Variants in PSD3 observed in about 807,000 individuals in gnomAD.
PSD3 encodes the protein PH and SEC7 domain-containing protein 3.
PSD3 carries 49 observed loss-of-function variants against 105.5 expected under a neutral mutation model. The ratio of observed to expected loss-of-function variants is 0.46; its 90% CI spans 0.37 to 0.59. The LOEUF (loss-of-function observed/expected upper bound fraction) is 0.59. Ranked by LOEUF, PSD3 falls within the 20% of genes least tolerant of loss-of-function variation. The pLI, the probability that PSD3 is intolerant of heterozygous loss-of-function variation, is 0.00. For missense variants in PSD3, 1,561 were observed against 1,263.8 expected (o/e 1.24, Z -3.57); for synonymous variants, 557 against 457.8 (o/e 1.22, Z -2.77).
chr8:18,568,642 T>C lies in PSD3; in HGVS notation c.2784+3886A>G, dbSNP rs541646873. 3.3e-5 allele frequency among the ~76,000 whole-genome samples: 5 copies of C among 152,270 alleles called. No individual in the cohort carries two copies. The South Asian group carries it at 1.0e-3, about 32-fold the overall frequency. ...CTTCTGCAGCTACCTTGGTTATCTC[T>C]CCTCTGGATTACTGAAAATTCCTTT... On this transcript the variant is annotated intron_variant, in intron 14 of 15. Transcript: ENST00000327040.
chr8:18,752,690 T>C (rs1390615687), intron 9 of PSD3, among the ~76,000 whole-genome samples: 1 of 109,590 alleles, frequency 9.1e-6, no homozygotes, highest in East Asian at 2.4e-4. Flanking sequence ...TATAATCATA[T>C]ATGATATAAT....
intron 11 of PSD3, among the ~76,000 whole-genome samples, chr8:18,630,991 C>G (rs1274189815): frequency 6.6e-6 from 1 of 151,884 alleles, no homozygotes; most frequent in Non-Finnish European, 1.5e-5. Flanking sequence ...GTCAGAGGCC[C>G]TGGAATCAAT....
chr8:18,879,041 C>A (rs1264684446), intron 2 of PSD3, among the ~76,000 whole-genome samples: 9 of 145,554 alleles, frequency 6.2e-5, no homozygotes, highest in African/African-American at 2.3e-4. Flanking sequence ...CAAACAAACA[C>A]ACACACACAA....
At chr8:18,858,537 T>A (rs905455018) in intron 4 of PSD3, among the ~76,000 whole-genome samples, 15 of 152,196 alleles carry the variant, frequency 9.9e-5, no homozygotes, top group Non-Finnish European at 2.2e-4. Flanking sequence ...TGCTTGATCA[T>A]CTTTTACCCA....
At chr8:18,627,873 C>A (rs1806607366) in intron 11 of PSD3, among the ~76,000 whole-genome samples, 1 of 150,654 alleles carries the variant, frequency 6.6e-6, no homozygotes, top group African/African-American at 2.4e-5. Context: ...CCAGAAACGA[C>A]AGAAAGGAAG....
chr8:18,616,628 C>CTTTTCTTTT (rs778581836), intron 11 of PSD3, among the ~76,000 whole-genome samples: 2 of 126,774 alleles, frequency 1.6e-5, no homozygotes, highest in Non-Finnish European at 3.3e-5. Context: ...CTTTTCTTTT[C>CTTTTCTTTT]TTTTTTTTTT....
At chr8:18,734,674 A>G (rs1282109392) in intron 9 of PSD3, among the ~76,000 whole-genome samples, 1 of 152,218 alleles carries the variant, frequency 6.6e-6, no homozygotes, top group Admixed American at 6.5e-5. Flanking sequence ...ATGAATGTAC[A>G]GTGTTGGCTA....
At chr8:18,717,965 G>C (rs1161217971) in intron 9 of PSD3, among the ~76,000 whole-genome samples, 6 of 152,188 alleles carry the variant, frequency 3.9e-5, no homozygotes, top group Non-Finnish European at 8.8e-5. Context: ...GTGATGGCCA[G>C]CTTCCAAGAC....
chr8:18,560,901 C>G (rs1801355454), intron 14 of PSD3, among the ~76,000 whole-genome samples: 1 of 152,130 alleles, frequency 6.6e-6, no homozygotes, highest in Admixed American at 6.5e-5. Context: ...CCTCATGAAG[C>G]GGTAAGTGTC....
At chr8:18,547,830 T>C (rs541767319) in intron 15 of PSD3, among the ~76,000 whole-genome samples, 1 of 152,338 alleles carries the variant, frequency 6.6e-6, no homozygotes, top group South Asian at 2.1e-4. Flanking sequence ...TGGATATTCA[T>C]ATCTTTCTCT....
chr8:18,688,118 G>A (rs904618551), intron 9 of PSD3, among the ~76,000 whole-genome samples: 2 of 151,884 alleles, frequency 1.3e-5, no homozygotes, highest in African/African-American at 2.4e-5. Context: ...CTGTTCTGTC[G>A]CTCAGGCTGG....
chr8:19,033,294 T>C (rs2129476337), intron 1 of PSD3, among the ~76,000 whole-genome samples: 1 of 152,350 alleles, frequency 6.6e-6, no homozygotes, highest in East Asian at 1.9e-4. Flanking sequence ...AAAGTGCACA[T>C]ACCGGACATA....
In PSD3 at chr8:18,801,664, T is replaced by A. The variant is rs536112376; in HGVS notation, c.1911-282A>T. Among the ~76,000 whole-genome samples, 8 of 152,196 alleles carry A rather than the reference T, an allele frequency of 5.3e-5. No individual in the cohort carries two copies. The South Asian group carries it at 1.7e-3, about 32-fold the overall frequency. ...GGCCAACATGGCGAAACCCCATCTC[T>A]ACTAAAAATACAAAAATTAGCCGGG... On this transcript the variant is annotated intron_variant, in intron 6 of 15. Coordinates refer to ENST00000327040, the MANE Select transcript of PSD3 (RefSeq NM_015310.4).
intron 8 of PSD3, chr8:18,774,868 C>T (rs891056689): frequency 1.1e-5 from 5 of 456,184 alleles, no homozygotes; most frequent in South Asian, 6.2e-5. Flanking sequence ...GCTGTCTTAG[C>T]AGCTCCTCTT....
chr8:18,676,036 C>T (rs957363454), intron 9 of PSD3, among the ~76,000 whole-genome samples: 1 of 152,086 alleles, frequency 6.6e-6, no homozygotes, highest in East Asian at 1.9e-4. Flanking sequence ...CATGATGCTA[C>T]GAAACTCCCT....
chr8:18,581,484 T>C (rs1045031394), intron 12 of PSD3, among the ~76,000 whole-genome samples: 1 of 152,194 alleles, frequency 6.6e-6, no homozygotes, highest in African/African-American at 2.4e-5. Flanking sequence ...TGCCAGATCA[T>C]GACTGATACC....
At chr8:18,862,375 GTTT>G (rs11287530) in intron 4 of PSD3, among the ~76,000 whole-genome samples, 4,014 of 150,762 alleles carry the variant, frequency 0.027, 185 homozygotes, top group African/African-American at 0.092. Flanking sequence ...CTCCTTTGTG[GTTT>G]TTAAAAAAAA....
At chr8:18,671,227 G>T (rs371807989) in intron 9 of PSD3, among the ~76,000 whole-genome samples, 1 of 152,188 alleles carries the variant, frequency 6.6e-6, no homozygotes, top group Non-Finnish European at 1.5e-5. Flanking sequence ...CCACTTCGCC[G>T]ATCTAGGAGC....
rs534987630 is a variant in PSD3, at chr8:18,828,069, T to TATATATA, written c.1635-23172_1635-23171insTATATAT. Among the ~76,000 whole-genome samples, 41 of 97,896 alleles carry TATATATA rather than the reference T, an allele frequency of 4.2e-4. 1 individual carries two copies. The highest frequency in any genetic ancestry group is 4.0e-3 in the East Asian group (13 of 3,218). The allele number at this position is 97,896 out of a possible 152,430, so 64.2% of individuals were successfully genotyped here. On this transcript the variant is annotated intron_variant, in intron 4 of 15. Transcript: ENST00000327040. ...TATGTATATATATATATATATATATTTTTTTTTTTTTACAAAAAAAATGAG... is the reference window on the plus strand; with the variant it reads ...TATGTATATATATATATATATATATTATATATATTTTTTTTTTTACAAAAAAAATGAG...
Sources: gnomAD v4.1 joint callset for allele counts (sites outside exome capture counted in the v4.1 genomes callset) on GRCh38, gnomAD v4.1.1 for gene constraint, MANE v1.5 for transcripts, NCBI Gene and HGNC (gene_info 2026-07-23, HGNC 2026-07-21) for gene names.